Variants in RNF38 observed in about 807,000 individuals in gnomAD.
The protein encoded by RNF38 is ring finger protein 38.
A neutral mutation model predicts 67.2 loss-of-function variants in RNF38; 15 were observed. The ratio of observed to expected loss-of-function variants is 0.22; its 90% CI spans 0.15 to 0.34. RNF38 has a LOEUF of 0.34. Ranked by LOEUF, RNF38 falls within the 10% of genes least tolerant of loss-of-function variation. The pLI, the probability that RNF38 is intolerant of heterozygous loss-of-function variation, is 1.00. For synonymous variants in RNF38, 220 were observed against 218.8 expected (o/e 1.01, Z -0.05); for missense variants, 524 against 639.9 (o/e 0.82, Z 1.95).
intron 1 of RNF38, among the ~76,000 whole-genome samples, chr9:36,456,332 C>T (rs141272257): frequency 0.05 from 7,641 of 152,264 alleles, 594 homozygotes; most frequent in African/African-American, 0.17. Context: ...GCTGGGATTA[C>T]AGGCGTGAGC....
At chr9:36,380,401 C>T (rs1452281440) in intron 2 of RNF38, among the ~76,000 whole-genome samples, 3 of 152,072 alleles carry the variant, frequency 2.0e-5, no homozygotes, top group African/African-American at 7.2e-5. Flanking sequence ...GGTTTCTCCA[C>T]GTTGGTCAGG....
intron 2 of RNF38, among the ~76,000 whole-genome samples, chr9:36,410,922 G>GT (rs1838307913): frequency 1.3e-5 from 2 of 152,200 alleles, no homozygotes; most frequent in Non-Finnish European, 2.9e-5. Flanking sequence ...TTTCAGTTTA[G>GT]GAAGATGAAA....
intron 2 of RNF38, among the ~76,000 whole-genome samples, chr9:36,412,692 C>T (rs1441286283): frequency 1.3e-5 from 2 of 152,226 alleles, no homozygotes; most frequent in Admixed American, 1.3e-4. Flanking sequence ...GTAATCCCAG[C>T]ACTTTGGGAT....
chr9:36,397,758 AAG>A (rs1312784407), intron 1 of RNF38, among the ~76,000 whole-genome samples: 3 of 152,006 alleles, frequency 2.0e-5, no homozygotes, highest in African/African-American at 7.2e-5. Context: ...TAGGAAAAAT[AAG>A]AGTTACATAT....
intron 9 of RNF38, among the ~76,000 whole-genome samples, chr9:36,349,780 TTTGAG>T (rs887863777): frequency 1.3e-5 from 2 of 152,196 alleles, no homozygotes; most frequent in Non-Finnish European, 2.9e-5. Flanking sequence ...TTTAATCTAT[TTTGAG>T]TTAACTTTCA....
intron 6 of RNF38, among the ~76,000 whole-genome samples, chr9:36,356,038 G>A (rs950885068): frequency 6.6e-6 from 1 of 151,922 alleles, no homozygotes; most frequent in Non-Finnish European, 1.5e-5. Flanking sequence ...GTAGAGACAG[G>A]GTTTCACCAT....
chr9:36,421,592 G>A (rs1838629451), intron 2 of RNF38, among the ~76,000 whole-genome samples: 1 of 152,180 alleles, frequency 6.6e-6, no homozygotes, highest in South Asian at 2.1e-4. Flanking sequence ...GAACCCGGGA[G>A]GCGGAGGTTG....
chr9:36,432,742 G>A (rs535039465), intron 1 of RNF38, among the ~76,000 whole-genome samples: 8 of 152,182 alleles, frequency 5.3e-5, no homozygotes, highest in Admixed American at 2.0e-4. Flanking sequence ...GCAGTGAGCC[G>A]AGATCCAGCC....
chr9:36,347,139 GGGGGGGGGGGA>G (rs1833307839), intron 9 of RNF38, among the ~76,000 whole-genome samples: 1 of 40,986 alleles, frequency 2.4e-5, no homozygotes, highest in Admixed American at 3.1e-4. Context: ...GGGGGGGGGG[GGGGGGGGGGGA>G]AGTAAATTGC....
intron 1 of RNF38, among the ~76,000 whole-genome samples, chr9:36,451,550 G>C (rs1311289694): frequency 7.5e-6 from 1 of 132,680 alleles, no homozygotes; most frequent in Non-Finnish European, 1.6e-5. Context: ...GCTCAGGCTG[G>C]AGTGCAATGG....
At chr9:36,378,791 C>T (rs1214583683) in intron 2 of RNF38, among the ~76,000 whole-genome samples, 3 of 151,868 alleles carry the variant, frequency 2.0e-5, no homozygotes, top group Admixed American at 6.6e-5. Flanking sequence ...AAAGTGGCTG[C>T]GAAAAGTAAA....
intron 11 of RNF38, among the ~76,000 whole-genome samples, chr9:36,341,845 TATATATATATATATATATATAA>T (rs1832868699): frequency 4.2e-4 from 1 of 2,354 alleles, no homozygotes; most frequent in African/African-American, 1.1e-3. Context: ...TATATATATA[TATATATATATATATATATATAA>T]AGAAGCCCCT....
At chr9:36,341,710 G>A (rs927042517) in intron 11 of RNF38, among the ~76,000 whole-genome samples, 7 of 151,806 alleles carry the variant, frequency 4.6e-5, no homozygotes, top group African/African-American at 1.2e-4. Context: ...AGTCTCGCTT[G>A]AGCCTGGGAT....
Position 36,451,659 on chromosome 9 carries a change from C to T in RNF38, n.242-26976G>A, listed in dbSNP as rs998578059. ...GGGATTACAGGCATGTGCCACCATGCCCAGCTAATTTTGTATTTTTAGTAG... is the reference window on the plus strand; with the variant it reads ...GGGATTACAGGCATGTGCCACCATGTCCAGCTAATTTTGTATTTTTAGTAG... On this transcript the variant is annotated intron_variant and non_coding_transcript_variant, in intron 1 of 3. Transcript: ENST00000488058. Among the ~76,000 whole-genome samples, 7 of 151,606 alleles carry T rather than the reference C, an allele frequency of 4.6e-5. No individual in the cohort carries two copies. The East Asian group carries it at 1.0e-3, about 22-fold the overall frequency.
chr9:36,468,299 G>A (rs772883515), intron 1 of RNF38, among the ~76,000 whole-genome samples: 2 of 150,694 alleles, frequency 1.3e-5, no homozygotes, highest in Non-Finnish European at 2.9e-5. Flanking sequence ...AAAGAAGATA[G>A]GAGACAGAGA....
At chr9:36,367,609 C>T (rs1027599727) in intron 4 of RNF38, among the ~76,000 whole-genome samples, 6 of 151,852 alleles carry the variant, frequency 4.0e-5, no homozygotes, top group Admixed American at 3.9e-4. Context: ...TGTTCTCATA[C>T]CTTCTTGCTG....
intron 7 of RNF38, 63 bp downstream of exon 7, chr9:36,353,107 C>T: frequency 7.3e-7 from 1 of 1,373,452 alleles, no homozygotes; most frequent in South Asian, 1.2e-5. Flanking sequence ...TATACTAAAA[C>T]ATAACTCAGA....
intron 1 of RNF38, among the ~76,000 whole-genome samples, chr9:36,473,793 T>G (rs549877423): frequency 2.8e-4 from 42 of 150,172 alleles, no homozygotes; most frequent in African/African-American, 1.0e-3. Flanking sequence ...AAGACCAGCC[T>G]GGCCAAGATG....
intron 3 of RNF38, among the ~76,000 whole-genome samples, chr9:36,370,361 G>C (rs1398347775): frequency 6.6e-6 from 1 of 151,852 alleles, no homozygotes; most frequent in East Asian, 1.9e-4. Flanking sequence ...TGTCTATTTA[G>C]CTAACACATA....
Sources: gnomAD v4.1 joint callset for allele counts (sites outside exome capture counted in the v4.1 genomes callset) on GRCh38, gnomAD v4.1.1 for gene constraint, MANE v1.5 for transcripts, NCBI Gene and HGNC (gene_info 2026-07-23, HGNC 2026-07-21) for gene names.